OXA1L: variants seen among roughly 807,000 people sequenced by gnomAD.
OXA1L encodes OXA1L mitochondrial inner membrane insertase.
Under a neutral mutation model 52.2 loss-of-function variants are expected in OXA1L, and 42 were observed. The observed-to-expected ratio is 0.80, with a 90% confidence interval of 0.63 to 1.04. The LOEUF is 1.04. Among genes scored for constraint, OXA1L ranks in the 50% least tolerant of loss-of-function variants. OXA1L has a pLI of 0.00. For missense variants in OXA1L, 572 were observed against 555.0 expected (o/e 1.03, Z -0.31); for synonymous variants, 239 against 201.9 (o/e 1.18, Z -1.56).
At position 22,766,689 on chromosome 14, in the gene OXA1L, T is replaced by C; in HGVS notation, c.-13T>C. The C allele has an allele frequency of 1.9e-6, 3 of 1,614,264 alleles. No homozygotes were observed. The highest frequency in any genetic ancestry group is 2.5e-6 in the Non-Finnish European group (3 of 1,180,038). ...ACTGCGCAGGCGCAAAAGCAAGTCC[T>C]CTTCCGGGCAAAATGGCGATGGGAC... On this transcript the variant is annotated 5_prime_UTR_variant, in exon 1 of 10. Transcript: ENST00000612549.
chr14:22,767,962 A>C lies in OXA1L; in HGVS notation c.230A>C (p.Gln77Pro). Residue 77 changes from glutamine to proline, a missense_variant, in exon 3 of 10, where the codon CAG becomes CCG. Physicochemically the swap from Gln to Pro is moderately conservative, Grantham distance 76. This residue lies in a region of OXA1L where 186 missense variants were observed against 151.8 expected (regional missense o/e 1.23). Coordinates refer to ENST00000612549, the MANE Select transcript of OXA1L (RefSeq NM_005015.5). ...ACAAGGCTTTCTTTCACACAGGTTC[A>C]GGCCCCTCCTGTTGTTGCTGCAACT... Reference protein sequence around the residue: ...SAISFAEVQVQAPPVVAATPS... With the variant: ...SAISFAEVQVPAPPVVAATPS... The C allele has an allele frequency of 6.2e-7, 1 of 1,611,050 alleles. No individual in the cohort carries two copies. The highest frequency in any genetic ancestry group is 8.5e-7 in the Non-Finnish European group (1 of 1,177,504).
rs746718586 is a variant in OXA1L at position 22,770,449 on chromosome 14, C to G, written c.670-12C>G. The G allele has an allele frequency of 1.9e-6, 3 of 1,611,190 alleles. No individual in the cohort carries two copies. The highest frequency in any genetic ancestry group is 2.5e-6 in the Non-Finnish European group (3 of 1,177,632). ...GGTAAAGCATGCTGACACTGTTTAT[C>G]TTGTGTAATAGGCCCCAATCTTCAT... On this transcript the variant is annotated splice_polypyrimidine_tract_variant and intron_variant, in intron 5 of 9. Transcript: ENST00000612549.
intron 3 of OXA1L, among the ~76,000 whole-genome samples, chr14:22,769,481 C>T (rs1309248128): frequency 6.6e-6 from 1 of 152,198 alleles, no homozygotes; most frequent in Non-Finnish European, 1.5e-5. Context: ...TTACTCATAT[C>T]ACCTCATTCG....
At chr14:22,767,692 A>G (rs1239547597) in intron 2 of OXA1L, 3 of 496,828 alleles carry the variant, frequency 6.0e-6, no homozygotes, top group East Asian at 3.1e-5. Flanking sequence ...GTGATATTCA[A>G]ATGGCTGAAG....
Position 22,767,304 on chromosome 14 carries a change from C to G in OXA1L, c.120C>G (p.Leu40=). ...TTGGGAAACCGCTGACCACACGGCT[C>G]CTATTCCCAGCAGCCCCGTGCTGCT... ...QWLGKPLTTR[L]LFPAAPCCCR... is the part of the protein sequence containing the mutation. Residue 40 remains leucine, a synonymous_variant, in exon 2 of 10, where the codon CTC becomes CTG. Coordinates refer to ENST00000612549, the MANE Select transcript of OXA1L (RefSeq NM_005015.5). 6.2e-7 allele frequency: 1 copy of G among 1,613,478 alleles called. No homozygotes were observed. Among genetic ancestry groups the G allele is most frequent in the Non-Finnish European group, 8.5e-7 (1 of 1,179,752 alleles).
chr14:22,768,821 A>G (rs1287897641), intron 3 of OXA1L: 18 of 152,626 alleles, frequency 1.2e-4, no homozygotes, highest in Admixed American at 1.2e-3. Flanking sequence ...TGATAGAGGC[A>G]TGCAAGGTGT....
In OXA1L at chr14:22,770,176, T is replaced by G; in HGVS notation, c.584-17T>G. The G allele has an allele frequency of 6.4e-7, 1 of 1,571,388 alleles. No individual in the cohort carries two copies. Among genetic ancestry groups the G allele is most frequent in the African/African-American group, 1.3e-5 (1 of 74,132 alleles). Reference sequence around the variant, plus strand: ...TGTAACTGTTACCCCAACCATTAATTTCCCCTCACCTCACAGATTACAAGG... The same window carrying G: ...TGTAACTGTTACCCCAACCATTAATGTCCCCTCACCTCACAGATTACAAGG... On this transcript the variant is annotated splice_polypyrimidine_tract_variant and intron_variant, in intron 4 of 9. Coordinates refer to ENST00000612549, the MANE Select transcript of OXA1L (RefSeq NM_005015.5).
In OXA1L at chr14:22,771,626, G is replaced by A; in HGVS notation, c.*68G>A. 4 of 1,536,414 alleles carry A rather than the reference G, an allele frequency of 2.6e-6. No homozygotes were observed. Among genetic ancestry groups the A allele is most frequent in the Non-Finnish European group, 3.6e-6 (4 of 1,111,510 alleles). On this transcript the variant is annotated 3_prime_UTR_variant, in exon 10 of 10. Coordinates refer to ENST00000612549, the MANE Select transcript of OXA1L (RefSeq NM_005015.5). The stretch of plus-strand genomic sequence containing the variant: ...GAGACTCATCCTCAAAACAAGACTT[G>A]ACACTGTGTCCTTGCCCCAGTCCTA...
At position 22,767,210 on chromosome 14, in the gene OXA1L, C is replaced by G. The variant is rs778934427; in HGVS notation, c.64-38C>G. The G allele has an allele frequency of 4.4e-6, 7 of 1,581,374 alleles. No individual in the cohort carries two copies. The East Asian group carries it at 1.3e-4, about 30-fold the overall frequency. On this transcript the variant is annotated intron_variant, in intron 1 of 9. Coordinates refer to ENST00000612549, the MANE Select transcript of OXA1L (RefSeq NM_005015.5). ...TTGCACCCACGCGAGGACTTCTGCT[C>G]CCGGTAAAGGGGCTCCATCATCCTT...
intron 1 of OXA1L, 51 bp from the exon 2 acceptor site, chr14:22,767,197 G>A: frequency 6.4e-7 from 1 of 1,573,438 alleles, no homozygotes; most frequent in South Asian, 1.2e-5. Flanking sequence ...GCACCCACGC[G>A]AGGACTTCTG....
Position 22,770,261 on chromosome 14 carries a change from A to C in OXA1L, c.652A>C (p.Ile218Leu), listed in dbSNP as rs769116694. The C allele has an allele frequency of 1.1e-5, 17 of 1,608,412 alleles. No individual in the cohort carries two copies. Among genetic ancestry groups the C allele is most frequent in the Non-Finnish European group, 1.4e-5 (17 of 1,174,890 alleles). Residue 218 changes from isoleucine (I) to leucine (L), a missense_variant, in exon 5 of 10, where the codon ATT becomes CTT. By Grantham distance (5) the Ile-to-Leu change is conservative. Transcript: ENST00000612549. ...KHGIKLYKPL[I>L]LPVTQAPIFI... ...TGGTATTAAACTCTATAAACCTCTCATTCTCCCTGTGACTCAGGTGAGCAA... is the reference window on the plus strand; with the variant it reads ...TGGTATTAAACTCTATAAACCTCTCCTTCTCCCTGTGACTCAGGTGAGCAA...
rs1031451150 is a variant in OXA1L at position 22,771,035 on chromosome 14, G to A, written c.957G>A (p.Trp319Ter). ...TCACCCAGGCAGTGTTTATGTACTG[G>A]CTCTCCTCCAATTTGTTTTCCCTGG... Reference protein sequence around the residue: ...MHFPTAVFMYWLSSNLFSLVQ... With the variant: ...MHFPTAVFMY The change falls in exon 8 of 10, where the codon TGG (tryptophan) becomes TGA (stop). Residue 319 changes from tryptophan to a stop codon, truncating the protein, a stop_gained. Transcript: ENST00000612549. LOFTEE classifies it high-confidence loss of function. 1 of 1,614,134 alleles carries A rather than the reference G, an allele frequency of 6.2e-7. No individual in the cohort carries two copies. The highest frequency in any genetic ancestry group is 1.7e-5 in the Admixed American group (1 of 60,002).
At position 22,772,029 on chromosome 14, in the gene OXA1L, C is replaced by T. The variant is rs531296501; in HGVS notation, c.*471C>T. 58 of 159,076 alleles carry T rather than the reference C, an allele frequency of 3.6e-4. No individual in the cohort carries two copies. Among genetic ancestry groups the T allele is most frequent in the East Asian group, 1.3e-3 (7 of 5,502 alleles). 9.9% of individuals were successfully genotyped at this position (159,076 alleles called of 1,614,324 possible). A position where few individuals can be genotyped will look rare whatever the true frequency, so the allele number is the denominator to read the frequency against. On this transcript the variant is annotated 3_prime_UTR_variant, in exon 10 of 10. Transcript: ENST00000612549. ...AGGAGAATTGCTTGAATCCGAGAGG[C>T]GGAGGTTGCAGTGAGCCAAGATCGC...
At chr14:22,770,966 C>G (rs1252641116) in intron 7 of OXA1L, 52 bp from the exon 8 acceptor site, 18 of 1,612,266 alleles carry the variant, frequency 1.1e-5, no homozygotes, top group Non-Finnish European at 1.4e-5. Flanking sequence ...AGCCACCTAG[C>G]AAGCTGACCA....
At position 22,770,531 on chromosome 14, in the gene OXA1L, C is replaced by A; in HGVS notation, c.740C>A (p.Thr247Lys). Reference protein sequence around the residue: ...MANLPVPSLQTGGLWWFQDLT... With the variant: ...MANLPVPSLQKGGLWWFQDLT... Reference sequence around the variant, plus strand: ...AACCTTCCTGTGCCCAGCCTGCAGACAGGTGGCCTCTGGTGGTTCCAGGAT... The same window carrying A: ...AACCTTCCTGTGCCCAGCCTGCAGAAAGGTGGCCTCTGGTGGTTCCAGGAT... The change falls in exon 6 of 10, where the codon ACA (threonine) becomes AAA (lysine). Residue 247 changes from threonine to lysine, a missense_variant. By Grantham distance (78) the Thr-to-Lys change is moderately conservative. Coordinates refer to ENST00000612549, the MANE Select transcript of OXA1L (RefSeq NM_005015.5). The A allele has an allele frequency of 6.2e-7, 1 of 1,614,184 alleles. No individual in the cohort carries two copies. Among genetic ancestry groups the A allele is most frequent in the Non-Finnish European group, 8.5e-7 (1 of 1,180,004 alleles).
intron 1 of OXA1L, 184 bp from the exon 2 acceptor site, chr14:22,767,064 C>G: frequency 6.5e-7 from 1 of 1,536,440 alleles, no homozygotes; most frequent in East Asian, 2.4e-5. Context: ...TCGAGCTTCG[C>G]TCTGCAGGCA....
Position 22,770,703 on chromosome 14 carries a change from A to G in OXA1L, c.834+78A>G, listed in dbSNP as rs2038451014. 4 of 1,553,608 alleles carry G rather than the reference A, an allele frequency of 2.6e-6. No homozygotes were observed. In the South Asian group the frequency reaches 3.4e-5, roughly 13 times the overall value. On this transcript the variant is annotated intron_variant, in intron 6 of 9. Coordinates refer to ENST00000612549, the MANE Select transcript of OXA1L (RefSeq NM_005015.5). Reference sequence around the variant, plus strand: ...GGTAAAGTAGTTGTACAGAATGGTCATCCTTCACTTGCTGGAGAAAGAGTT... The same window carrying G: ...GGTAAAGTAGTTGTACAGAATGGTCGTCCTTCACTTGCTGGAGAAAGAGTT...
Position 22,767,971 on chromosome 14 carries a change from C to T in OXA1L, c.239C>T (p.Pro80Leu), listed in dbSNP as rs767307852. 5 of 1,612,488 alleles carry T rather than the reference C, an allele frequency of 3.1e-6. No homozygotes were observed. The highest frequency in any genetic ancestry group is 4.2e-6 in the Non-Finnish European group (5 of 1,178,568). Residue 80 changes from proline to leucine, a missense_variant, in exon 3 of 10, where the codon CCT (proline) becomes CTT (leucine). By Grantham distance (98) the Pro-to-Leu change is moderately conservative (BLOSUM62 -3). Around this residue, in one of 5 missense-constraint regions of OXA1L, gnomAD observed 186 missense variants for 151.8 expected, o/e 1.23. Coordinates refer to ENST00000612549, the MANE Select transcript of OXA1L (RefSeq NM_005015.5). ...TCTTTCACACAGGTTCAGGCCCCTC[C>T]TGTTGTTGCTGCAACTCCCTCACCC... ...SFAEVQVQAP[P>L]VVAATPSPTA...
At chr14:22,768,891 C>T (rs1022353945) in intron 3 of OXA1L, 1 of 152,144 alleles carries the variant, frequency 6.6e-6, no homozygotes, top group African/African-American at 2.4e-5. Flanking sequence ...CTTTAAGTTA[C>T]AAACAATCCA....
Sources: gnomAD v4.1 joint callset for allele counts (sites outside exome capture counted in the v4.1 genomes callset) on GRCh38, gnomAD v4.1.1 for gene constraint, gnomAD v4.1.1 regional missense constraint, MANE v1.5 for transcripts, NCBI Gene and HGNC (gene_info 2026-07-23, HGNC 2026-07-21) for gene names.